The following ZFHX3 variants were observed in gnomAD, a reference collection of about 807,000 sequenced individuals.
ZFHX3 encodes the protein zinc finger homeobox protein 3.
A neutral mutation model predicts 279.1 loss-of-function variants in ZFHX3; 42 were observed. The observed-to-expected ratio is 0.15, with a 90% CI of 0.12 to 0.19. ZFHX3 has a LOEUF of 0.19. Among genes scored for constraint, ZFHX3 ranks in the 10% least tolerant of loss-of-function variants. ZFHX3 has a pLI of 1.00. For missense variants in ZFHX3, 4,981 were observed against 4,754.0 expected, an observed-to-expected ratio of 1.05 and a Z score of -1.40; for synonymous variants, 2,293 against 1,957.8, an observed-to-expected ratio of 1.17 and a Z score of -4.52.
intron 1 of ZFHX3, among the ~76,000 whole-genome samples, chr16:73,868,471 C>T (rs140815263): frequency 9.7e-4 from 147 of 152,324 alleles, no homozygotes; most frequent in African/African-American, 3.2e-3. Context: ...TTGCAGTGAG[C>T]GGAGATCACG....
At chr16:73,196,174 G>A (rs1597214613) in intron 5 of ZFHX3, among the ~76,000 whole-genome samples, 1 of 149,356 alleles carries the variant, frequency 6.7e-6, no homozygotes, top group South Asian at 2.2e-4. Flanking sequence ...TTGGAGGGGG[G>A]ATGGGTGGGG....
chr16:73,278,659 G>A (rs1351439832), intron 4 of ZFHX3, among the ~76,000 whole-genome samples: 3 of 152,166 alleles, frequency 2.0e-5, no homozygotes, highest in Non-Finnish European at 4.4e-5. Context: ...CTATCAGAGT[G>A]CTCTTTTTTC....
intron 4 of ZFHX3, among the ~76,000 whole-genome samples, chr16:72,871,462 C>T (rs1297211017): frequency 6.6e-6 from 1 of 152,054 alleles, no homozygotes; most frequent in African/African-American, 2.4e-5. Flanking sequence ...CTGCCTCAGC[C>T]TCCCAAGTAG....
chr16:73,483,339 GAGAGAGAGAGAA>G, intron 2 of ZFHX3: 1 of 402,388 alleles, frequency 2.5e-6, no homozygotes. Flanking sequence ...GTGAGAGACA[GAGAGAGAGAGAA>G]AGAGAGAGAG....
rs534170796 is a variant in ZFHX3, at chr16:72,893,565, A to C, written c.3217-3603T>G. 1.4e-4 allele frequency among the ~76,000 whole-genome samples: 21 copies of C among 152,116 alleles called. 1 individual carries two copies. In the South Asian group the frequency reaches 4.4e-3, roughly 32 times the overall value. On this transcript the variant is annotated intron_variant, in intron 3 of 9. Coordinates refer to ENST00000268489, the MANE Select transcript of ZFHX3 (RefSeq NM_006885.4). ...CTTTAAAAAATGGATATGATAAAAG[A>C]TATTCTAAAATCCACTCCACACTCT...
intron 6 of ZFHX3, among the ~76,000 whole-genome samples, chr16:73,133,899 G>A (rs1966741463): frequency 6.6e-6 from 1 of 152,138 alleles, no homozygotes; most frequent in African/African-American, 2.4e-5. Context: ...TATGGGATTC[G>A]TACCTGGAGT....
intron 2 of ZFHX3, among the ~76,000 whole-genome samples, chr16:73,651,969 A>C (rs993179870): frequency 2.0e-5 from 3 of 152,136 alleles, no homozygotes; most frequent in Admixed American, 2.0e-4. Context: ...ATACTTAAAA[A>C]ATTAGAATTC....
chr16:73,575,937 T>C (rs116530101), intron 2 of ZFHX3, among the ~76,000 whole-genome samples: 460 of 152,280 alleles, frequency 3.0e-3, no homozygotes, highest in African/African-American at 0.011. Context: ...GGCTTTACCA[T>C]GGGAGATGTA....
chr16:73,626,405 A>T (rs937371467), intron 2 of ZFHX3, among the ~76,000 whole-genome samples: 1 of 151,846 alleles, frequency 6.6e-6, no homozygotes, highest in African/African-American at 2.4e-5. Context: ...CTAAATGCAA[A>T]TTTTCATAGG....
intron 3 of ZFHX3, among the ~76,000 whole-genome samples, chr16:73,431,315 G>A (rs957744375): frequency 1.1e-4 from 17 of 152,150 alleles, no homozygotes; most frequent in South Asian, 8.3e-4. Flanking sequence ...TGAGGCGGGC[G>A]GATCACCTGA....
chr16:73,204,076 G>A (rs953125556), intron 5 of ZFHX3, among the ~76,000 whole-genome samples: 2 of 151,768 alleles, frequency 1.3e-5, no homozygotes, highest in African/African-American at 4.8e-5. Context: ...TAAACAGTTG[G>A]TTTTTAGACA....
intron 1 of ZFHX3, among the ~76,000 whole-genome samples, chr16:73,819,890 G>C (rs1454836481): frequency 6.6e-6 from 1 of 152,186 alleles, no homozygotes; most frequent in Admixed American, 6.5e-5. Flanking sequence ...CAAGTGTGAA[G>C]TCTTACTGCA....
chr16:73,056,389 C>A (rs1052781185), intron 1 of ZFHX3, among the ~76,000 whole-genome samples: 2 of 151,340 alleles, frequency 1.3e-5, no homozygotes, highest in African/African-American at 2.4e-5. Context: ...AAAAAAAAAA[C>A]AACAAACCTA....
At chr16:73,224,769 G>A (rs1009658313) in intron 5 of ZFHX3, among the ~76,000 whole-genome samples, 1 of 152,166 alleles carries the variant, frequency 6.6e-6, no homozygotes, top group Non-Finnish European at 1.5e-5. Context: ...AAGATAATGA[G>A]GGTGTAACAG....
intron 1 of ZFHX3, among the ~76,000 whole-genome samples, chr16:73,718,335 CAGG>C (rs1278203966): frequency 4.6e-5 from 7 of 152,042 alleles, no homozygotes; most frequent in Non-Finnish European, 8.8e-5. Flanking sequence ...CACTTGAACC[CAGG>C]AGGTGGAAGT....
At chr16:73,866,158 A>T (rs1962014034) in intron 1 of ZFHX3, among the ~76,000 whole-genome samples, 1 of 140,454 alleles carries the variant, frequency 7.1e-6, no homozygotes. Flanking sequence ...GCACACCACT[A>T]TGCCAGGCTA....
chr16:73,200,479 G>A (rs1968246679), intron 5 of ZFHX3, among the ~76,000 whole-genome samples: 1 of 152,152 alleles, frequency 6.6e-6, no homozygotes, highest in Non-Finnish European at 1.5e-5. Flanking sequence ...AGATAGGATT[G>A]AATTCTCTTG....
At chr16:73,380,968 GC>G (rs1263022744) in intron 3 of ZFHX3, among the ~76,000 whole-genome samples, 2 of 152,132 alleles carry the variant, frequency 1.3e-5, no homozygotes, top group African/African-American at 4.8e-5. Flanking sequence ...AGATACAGTA[GC>G]TGCTTCTCGC....
chr16:73,421,772 G>A (rs758981034), intron 3 of ZFHX3, among the ~76,000 whole-genome samples: 2 of 152,172 alleles, frequency 1.3e-5, no homozygotes, highest in Admixed American at 1.3e-4. Context: ...GCTTCTGTCT[G>A]GGTGGGGGAT....
Sources: allele counts gnomAD v4.1 joint callset (sites outside exome capture counted in the v4.1 genomes callset), GRCh38; gene constraint gnomAD v4.1.1; transcripts MANE v1.5; gene names NCBI Gene and HGNC (gene_info 2026-07-23, HGNC 2026-07-21).